INTS2: variants seen among roughly 807,000 people sequenced by gnomAD.
INTS2 encodes integrator complex subunit 2, also known as KIAA1287.
Under a neutral mutation model 139.6 loss-of-function variants are expected in INTS2, and 57 were observed. That is an observed-to-expected ratio of 0.41 (90% CI 0.33 to 0.51). INTS2 has a LOEUF of 0.51. Among genes scored for constraint, INTS2 ranks in the 20% least tolerant of loss-of-function variants. The pLI, the probability that INTS2 is intolerant of heterozygous loss-of-function variation, is 0.28. For synonymous variants in INTS2, 473 were observed against 493.4 expected (o/e 0.96, Z 0.55); for missense variants, 1,196 against 1,436.7 (o/e 0.83, Z 2.71).
At position 61,881,060 on chromosome 17, in the gene INTS2, C is replaced by T. The variant is rs767384274; in HGVS notation, c.2201G>A (p.Arg734Gln). ...TTTAGCATTATTAGTCAGGAGCATT[C>T]GCCGTAGCAGGGCATCAGTCCCTGT... ...EITGTDALLR[R>Q]MLLTNNAKNH... Residue 734 changes from arginine (R) to glutamine (Q), a missense_variant, in exon 17 of 25, where the codon CGA becomes CAA. Transcript: ENST00000251334. 75 of 1,613,696 alleles carry T rather than the reference C, an allele frequency of 4.6e-5. 1 individual carries two copies. The highest frequency in any genetic ancestry group is 3.3e-4 in the South Asian group (30 of 91,084).
intron 9 of INTS2, among the ~76,000 whole-genome samples, chr17:61,900,032 A>G (rs1359373360): frequency 1.3e-5 from 2 of 152,224 alleles, no homozygotes; most frequent in Non-Finnish European, 2.9e-5. Context: ...CTGAAACTCC[A>G]TTAAAGCTAC....
At position 61,897,703 on chromosome 17, in the gene INTS2, T is replaced by G; in HGVS notation, c.1344A>C (p.Leu448=). 1 of 1,608,866 alleles carries G rather than the reference T, an allele frequency of 6.2e-7. No individual in the cohort carries two copies. Among genetic ancestry groups the G allele is most frequent in the Non-Finnish European group, 8.5e-7 (1 of 1,177,384 alleles). The part of the protein sequence containing the change: ...PEQEQLMVVW[L]SWMIKEEAYF... The stretch of plus-strand genomic sequence containing the variant: ...ACGCTTCTTCTTTTATCATCCAACT[T>G]AGCCACACCACCATCAGCTGCTCCT... The change falls in exon 10 of 25, where the codon CTA becomes CTC. Residue 448 remains leucine (L), a synonymous_variant. Transcript: ENST00000251334. This position sits in a 1 kb window ranked among gnomAD's most constrained non-coding sequence, Gnocchi z 4.4.
At chr17:61,879,793 T>C (rs1031743647) in intron 17 of INTS2, among the ~76,000 whole-genome samples, 6 of 151,950 alleles carry the variant, frequency 3.9e-5, no homozygotes, top group Non-Finnish European at 7.4e-5. Flanking sequence ...TGAGCCAAGA[T>C]TGCACCACTG....
At position 61,880,543 on chromosome 17, in the gene INTS2, C is replaced by T. The variant is rs374845336; in HGVS notation, c.2254+464G>A. Reference sequence around the variant, plus strand: ...GAGGCAGGAGGATCACTCAAACTTACAAGTTCGAGACCAGCCTGGGCAACA... The same window carrying T: ...GAGGCAGGAGGATCACTCAAACTTATAAGTTCGAGACCAGCCTGGGCAACA... On this transcript the variant is annotated intron_variant, in intron 17 of 24. Transcript: ENST00000251334. 1.6e-4 allele frequency among the ~76,000 whole-genome samples: 24 copies of T among 152,028 alleles called. No homozygotes were observed. The East Asian group carries it at 4.5e-3, about 28-fold the overall frequency.
chr17:61,921,865 T>C (rs1159468334), intron 3 of INTS2, 38 bp from the exon 4 acceptor site: 2 of 1,025,448 alleles, frequency 2.0e-6, no homozygotes, highest in Non-Finnish European at 2.9e-6. Flanking sequence ...ACTCTATTAA[T>C]TTCAGATAAT....
intron 4 of INTS2, among the ~76,000 whole-genome samples, chr17:61,920,180 C>CTG (rs1555626462): frequency 5.9e-5 from 7 of 119,146 alleles, no homozygotes; most frequent in African/African-American, 2.2e-4. Flanking sequence ...ATCTTATTTG[C>CTG]TTTTTTTTTT....
At chr17:61,906,161 C>T (rs2079460730) in intron 8 of INTS2, among the ~76,000 whole-genome samples, 2 of 152,112 alleles carry the variant, frequency 1.3e-5, no homozygotes, top group Non-Finnish European at 2.9e-5. Context: ...ATCTGAAATG[C>T]CCCCAAACTC....
At chr17:61,920,328 C>G (rs959450833) in intron 4 of INTS2, among the ~76,000 whole-genome samples, 1 of 151,722 alleles carries the variant, frequency 6.6e-6, no homozygotes, top group Non-Finnish European at 1.5e-5. Context: ...ATTACAGAAG[C>G]CTGCCACCAC....
rs2079062286 is a variant in INTS2 at position 61,868,303 on chromosome 17, T to TA, written c.3245-295dup. Among the ~76,000 whole-genome samples the TA allele has an allele frequency of 6.6e-6, 1 of 152,048 alleles. No individual in the cohort carries two copies. The highest frequency in any genetic ancestry group is 1.5e-5 in the Non-Finnish European group (1 of 67,980). On this transcript the variant is annotated intron_variant, in intron 23 of 24. Coordinates refer to ENST00000251334, the MANE Select transcript of INTS2 (RefSeq NM_001351695.2). This position sits in a 1 kb window ranked among gnomAD's most constrained non-coding sequence, Gnocchi z 4.7. The stretch of plus-strand genomic sequence containing the variant: ...CTCATTTTATATATGAGAAAACTCT[T>TA]AAAAAAAGGTTAGAGAGGTTAAGAA...
intron 5 of INTS2, among the ~76,000 whole-genome samples, chr17:61,912,321 G>A (rs1188684951): frequency 2.7e-5 from 4 of 147,422 alleles, no homozygotes; most frequent in South Asian, 2.1e-4. Context: ...TGAGGGCCAC[G>A]GACAGTGGCT....
Position 61,870,572 on chromosome 17 carries a change from A to G in INTS2, c.2779-584T>C, listed in dbSNP as rs916709286. 4.6e-5 allele frequency among the ~76,000 whole-genome samples: 7 copies of G among 152,174 alleles called. No individual in the cohort carries two copies. The highest frequency in any genetic ancestry group is 1.0e-4 in the Non-Finnish European group (7 of 68,028). ...CAGTAGCTTGAGGGGTAATGGCAAT[A>G]TATTTGAGGCCCCTATATATAAAGG... is the stretch of plus-strand genomic sequence containing the variant. On this transcript the variant is annotated intron_variant, in intron 20 of 24. Transcript: ENST00000251334. The surrounding 1 kb of genome is among the most constrained non-coding windows in gnomAD (Gnocchi z 4.4).
chr17:61,901,769 A>AT (rs562647141), intron 9 of INTS2, among the ~76,000 whole-genome samples: 234 of 149,638 alleles, frequency 1.6e-3, no homozygotes, highest in African/African-American at 5.6e-3. Flanking sequence ...ATTTTTTTGT[A>AT]TTTTTTTTAG....
At chr17:61,886,893 T>C (rs979827969) in intron 15 of INTS2, among the ~76,000 whole-genome samples, 2 of 152,226 alleles carry the variant, frequency 1.3e-5, no homozygotes, top group East Asian at 1.9e-4. Context: ...ACTGTCTATA[T>C]AGACCACATA....
intron 5 of INTS2, among the ~76,000 whole-genome samples, chr17:61,912,538 G>A (rs980433749): frequency 2.1e-4 from 32 of 151,906 alleles, no homozygotes; most frequent in Middle Eastern, 3.4e-3. Flanking sequence ...CAGGAGAATC[G>A]CTTGAACTGG....
intron 7 of INTS2, chr17:61,911,312 C>A: frequency 2.2e-6 from 1 of 454,138 alleles, no homozygotes. Context: ...GTGTTAATTT[C>A]TAATATGGTA....
chr17:61,869,798 C>T lies in INTS2; in HGVS notation c.2969G>A (p.Cys990Tyr). Residue 990 changes from cysteine to tyrosine, a missense_variant, in exon 21 of 25, where the codon TGT (cysteine) becomes TAT (tyrosine). Cys to Tyr is a radical substitution (Grantham distance 194). This residue lies in a region of INTS2 where 1,129 missense variants were observed against 1,341.9 expected (regional missense o/e 0.84). Transcript: ENST00000251334. This position sits in a 1 kb window ranked among gnomAD's most constrained non-coding sequence, Gnocchi z 5.4. ...AATGTACATTTGGTGCAAGAGACAACAGATAAGGCACTGAACTTCTCGAAG... is the reference window on the plus strand; with the variant it reads ...AATGTACATTTGGTGCAAGAGACAATAGATAAGGCACTGAACTTCTCGAAG... ...CNLREVQCLI[C>Y]CLLHQMYIAD... 3 of 1,613,882 alleles carry T rather than the reference C, an allele frequency of 1.9e-6. No homozygotes were observed. The highest frequency in any genetic ancestry group is 2.5e-6 in the Non-Finnish European group (3 of 1,179,808).
At chr17:61,921,533 AAT>A (rs1263804914) in intron 4 of INTS2, among the ~76,000 whole-genome samples, 190 bp downstream of exon 4, 1 of 152,218 alleles carries the variant, frequency 6.6e-6, no homozygotes, top group Admixed American at 6.5e-5. Flanking sequence ...ATGTCTGCAT[AAT>A]ATGTCACACT....
At chr17:61,917,429 T>C (rs902052628) in intron 5 of INTS2, among the ~76,000 whole-genome samples, 5 of 152,326 alleles carry the variant, frequency 3.3e-5, no homozygotes, top group Middle Eastern at 3.4e-3. Context: ...ATATATACCA[T>C]GAAATACTAT....
chr17:61,925,850 C>A (rs1336529028), intron 2 of INTS2, among the ~76,000 whole-genome samples: 1 of 151,746 alleles, frequency 6.6e-6, no homozygotes, highest in African/African-American at 2.4e-5. Context: ...CATGATGAAA[C>A]CCCATCTCTA....
Sources: gnomAD v4.1 joint callset for allele counts (sites outside exome capture counted in the v4.1 genomes callset) on GRCh38, gnomAD v4.1.1 for gene constraint, gnomAD v4.1.1 regional missense constraint, Gnocchi (gnomAD v3.1) non-coding constraint, MANE v1.5 for transcripts, NCBI Gene and HGNC (gene_info 2026-07-23, HGNC 2026-07-21) for gene names.